The following MAS1 variants were observed in gnomAD, a reference collection of about 807,000 sequenced individuals.
The protein encoded by MAS1 is proto-oncogene Mas.
For synonymous variants in MAS1, 163 were observed against 164.2 expected (o/e 0.99, Z 0.05); for missense variants, 387 against 409.7 (o/e 0.94, Z 0.48).
intron 1 of MAS1, among the ~76,000 whole-genome samples, chr6:159,891,936 A>G (rs899836704): frequency 5.9e-5 from 9 of 152,090 alleles, no homozygotes; most frequent in Admixed American, 2.0e-4. Flanking sequence ...GCTGTCTTGT[A>G]TATTATAGGA....
rs902600577 is a variant in MAS1 at position 159,917,439 on chromosome 6, G to T, written c.*9506G>T. Among the ~76,000 whole-genome samples, 1 of 152,214 alleles carries T rather than the reference G, an allele frequency of 6.6e-6. No homozygotes were observed. Among genetic ancestry groups the T allele is most frequent in the Non-Finnish European group, 1.5e-5 (1 of 68,040 alleles). ...CAGAGATCAGGAATAAAATGTTCATGCATGAGAATTTTGTGTTGGGCTTTT... is the reference window on the plus strand; with the variant it reads ...CAGAGATCAGGAATAAAATGTTCATTCATGAGAATTTTGTGTTGGGCTTTT... On this transcript the variant is annotated 3_prime_UTR_variant, in exon 3 of 3. Coordinates refer to ENST00000674077, the MANE Select transcript of MAS1 (RefSeq NM_002377.4).
At chr6:159,902,978 C>T (rs147649153) in intron 2 of MAS1, among the ~76,000 whole-genome samples, 1 of 152,052 alleles carries the variant, frequency 6.6e-6, no homozygotes, top group Admixed American at 6.6e-5. Flanking sequence ...TGATCTTATC[C>T]TCCACTCTCC....
Position 159,910,115 on chromosome 6 carries a change from C to T in MAS1, c.*2182C>T, listed in dbSNP as rs1782948074. The T allele has an allele frequency of 6.6e-6, 1 of 152,180 alleles. No homozygotes were observed. The highest frequency in any genetic ancestry group is 1.5e-5 in the Non-Finnish European group (1 of 68,032). 9.4% of individuals were successfully genotyped at this position (152,180 alleles called of 1,614,324 possible). The stretch of plus-strand genomic sequence containing the variant: ...AGGCATTCAGACAATTTGCCTAAGT[C>T]ATTGTAGGTTACTAGGTGCCACTTC... On this transcript the variant is annotated 3_prime_UTR_variant, in exon 3 of 3. Coordinates refer to ENST00000674077, the MANE Select transcript of MAS1 (RefSeq NM_002377.4).
Position 159,907,532 on chromosome 6 carries a change from A to G in MAS1, c.577A>G (p.Ile193Val), listed in dbSNP as rs1265625879. The change falls in exon 3 of 3, where the codon ATC (isoleucine) becomes GTC (valine). Residue 193 changes from isoleucine to valine, a missense_variant. Ile to Val is a conservative substitution (Grantham distance 29). Transcript: ENST00000674077. ...CCGAGCAGTCATCATCTTTATAGCCATCCTGAGCTTCCTGGTCTTCACGCC... is the reference window on the plus strand; with the variant it reads ...CCGAGCAGTCATCATCTTTATAGCCGTCCTGAGCTTCCTGGTCTTCACGCC... ...DCRAVIIFIA[I>V]LSFLVFTPLM... 2 of 1,614,104 alleles carry G rather than the reference A, an allele frequency of 1.2e-6. No individual in the cohort carries two copies. Among genetic ancestry groups the G allele is most frequent in the South Asian group, 1.1e-5 (1 of 91,078 alleles).
chr6:159,899,936 C>T (rs918630634), intron 2 of MAS1, among the ~76,000 whole-genome samples: 7 of 151,412 alleles, frequency 4.6e-5, no homozygotes, highest in African/African-American at 1.5e-4. Context: ...TTCTCATCTA[C>T]TCGGGAGGCT....
Position 159,912,591 on chromosome 6 carries a change from T to C in MAS1, c.*4658T>C, listed in dbSNP as rs1239244496. 1 of 66,270 alleles carries C rather than the reference T, an allele frequency of 1.5e-5. No homozygotes were observed. The highest frequency in any genetic ancestry group is 1.9e-4 in the Admixed American group (1 of 5,344). 4.1% of individuals were successfully genotyped at this position (66,270 alleles called of 1,614,324 possible). A position where few individuals can be genotyped will look rare whatever the true frequency, so the allele number is the denominator to read the frequency against. Reference sequence around the variant, plus strand: ...AACCTAACATTTGACTGTTTAACTTTGCAAGGTTATATGGGAAAAAAAATC... The same window carrying C: ...AACCTAACATTTGACTGTTTAACTTCGCAAGGTTATATGGGAAAAAAAATC... On this transcript the variant is annotated 3_prime_UTR_variant, in exon 3 of 3. Coordinates refer to ENST00000674077, the MANE Select transcript of MAS1 (RefSeq NM_002377.4).
At position 159,899,312 on chromosome 6, in the gene MAS1, T is replaced by C. The variant is rs1562310184; in HGVS notation, c.-117T>C. The C allele has an allele frequency of 6.6e-6, 1 of 152,310 alleles. No individual in the cohort carries two copies. The allele number at this position is 152,310 out of a possible 1,614,324, so 9.4% of individuals were successfully genotyped here. A position where few individuals can be genotyped will look rare whatever the true frequency, so the allele number is the denominator to read the frequency against. ...AATCTGTTCCCAACTGAGGTTTCCATTGCAGTGTAACTGACCACTCCAGGG... is the reference window on the plus strand; with the variant it reads ...AATCTGTTCCCAACTGAGGTTTCCACTGCAGTGTAACTGACCACTCCAGGG... On this transcript the variant is annotated 5_prime_UTR_variant, in exon 2 of 3. Coordinates refer to ENST00000674077, the MANE Select transcript of MAS1 (RefSeq NM_002377.4).
At chr6:159,892,758 T>C (rs984212345) in intron 1 of MAS1, among the ~76,000 whole-genome samples, 15 of 152,164 alleles carry the variant, frequency 9.9e-5, no homozygotes, top group Non-Finnish European at 1.8e-4. Context: ...AAAGCCCACA[T>C]CCTTACACAT....
intron 1 of MAS1, among the ~76,000 whole-genome samples, chr6:159,898,731 TTCC>T (rs1390530254): frequency 1.7e-4 from 23 of 133,110 alleles, no homozygotes; most frequent in Non-Finnish European, 3.2e-4. Flanking sequence ...CTCCTCCCTC[TTCC>T]TCCTCCTCCT....
intron 2 of MAS1, chr6:159,902,192 T>C (rs1347336655): frequency 2.0e-5 from 3 of 152,110 alleles, no homozygotes. Context: ...AGAAAGAGGA[T>C]CTTGTCAGTA....
At chr6:159,906,328 C>T (rs1480147853) in intron 2 of MAS1, among the ~76,000 whole-genome samples, 3 of 151,974 alleles carry the variant, frequency 2.0e-5, no homozygotes, top group Admixed American at 2.0e-4. Context: ...ATATTGAAGC[C>T]GTGTAAAATA....
chr6:159,897,132 C>G (rs573012903), intron 1 of MAS1, among the ~76,000 whole-genome samples: 15 of 152,240 alleles, frequency 9.9e-5, no homozygotes, highest in South Asian at 2.1e-4. Context: ...CCTCGGCCTC[C>G]CAAAGTGCTG....
chr6:159,906,474 G>A (rs369622039), intron 2 of MAS1, among the ~76,000 whole-genome samples: 27 of 152,346 alleles, frequency 1.8e-4, no homozygotes, highest in East Asian at 5.8e-4. Context: ...CCAGACATGC[G>A]TTTTGTCATC....
At position 159,908,512 on chromosome 6, in the gene MAS1, C is replaced by CACACAG. The variant is rs1782926146; in HGVS notation, c.*584_*585insGACACA. ...ATATAAATTTTTGTTTTGTAAAGCA[C>CACACAG]ACACACACACACACACACACACACA... On this transcript the variant is annotated 3_prime_UTR_variant, in exon 3 of 3. Coordinates refer to ENST00000674077, the MANE Select transcript of MAS1 (RefSeq NM_002377.4). 8.8e-6 allele frequency: 1 copy of CACACAG among 113,236 alleles called. No individual in the cohort carries two copies. Among genetic ancestry groups the CACACAG allele is most frequent in the African/African-American group, 4.2e-5 (1 of 24,082 alleles). 7.0% of individuals were successfully genotyped at this position (113,236 alleles called of 1,614,324 possible). A position where few individuals can be genotyped will look rare whatever the true frequency, so the allele number is the denominator to read the frequency against.
chr6:159,893,222 G>A (rs986949378), intron 1 of MAS1, among the ~76,000 whole-genome samples: 2 of 152,234 alleles, frequency 1.3e-5, no homozygotes, highest in African/African-American at 4.8e-5. Context: ...GCCTGAATAG[G>A]CAAGGATCAT....
chr6:159,907,141 A>G lies in MAS1; in HGVS notation c.186A>G (p.Arg62=). Residue 62 remains arginine, a synonymous_variant, in exon 3 of 3, where the codon AGA becomes AGG. Coordinates refer to ENST00000674077, the MANE Select transcript of MAS1 (RefSeq NM_002377.4). ...TCTGGTTCCTGTGCTTCCGGATGAG[A>G]AGAAATCCCTTCACTGTCTACATCA... is the stretch of plus-strand genomic sequence containing the variant. ...ILLWFLCFRM[R]RNPFTVYITH... The G allele has an allele frequency of 6.2e-7, 1 of 1,614,216 alleles. No individual in the cohort carries two copies. Among genetic ancestry groups the G allele is most frequent in the Non-Finnish European group, 8.5e-7 (1 of 1,180,032 alleles).
chr6:159,903,430 G>A (rs572761763), intron 2 of MAS1, among the ~76,000 whole-genome samples: 3 of 152,214 alleles, frequency 2.0e-5, no homozygotes, highest in East Asian at 1.9e-4. Flanking sequence ...CCAGGTTCCC[G>A]AGCACTAAGC....
At position 159,907,559 on chromosome 6, in the gene MAS1, CT is replaced by C; in HGVS notation, c.605del (p.Leu202ProfsTer11). On this transcript the variant is annotated frameshift_variant, in exon 3 of 3. Transcript: ENST00000674077. LOFTEE classifies it low-confidence loss of function (END_TRUNC). ...AILSFLVFTP[L>X]MLVSSTILVV... is the part of the protein sequence containing the mutation. ...CCTGAGCTTCCTGGTCTTCACGCCC[CT>C]CATGCTGGTGTCCAGCACCATCTTG... 1 of 1,614,058 alleles carries C rather than the reference CT, an allele frequency of 6.2e-7. No homozygotes were observed. The highest frequency in any genetic ancestry group is 8.5e-7 in the Non-Finnish European group (1 of 1,180,004).
chr6:159,890,586 A>C (rs149253763), upstream of MAS1, among the ~76,000 whole-genome samples: 89 of 152,338 alleles, frequency 5.8e-4, no homozygotes, highest in African/African-American at 2.0e-3. Flanking sequence ...CTCTGGGTCT[A>C]TACATAGACT....
Sources: allele counts gnomAD v4.1 joint callset (sites outside exome capture counted in the v4.1 genomes callset), GRCh38; gene constraint gnomAD v4.1.1; transcripts MANE v1.5; gene names NCBI Gene and HGNC (gene_info 2026-07-23, HGNC 2026-07-21).